The following AMOTL1 variants were observed in gnomAD, a reference collection of about 807,000 sequenced individuals.
AMOTL1 encodes the protein angiomotin-like protein 1.
AMOTL1 carries 45 observed loss-of-function variants against 102.9 expected under a neutral mutation model. The ratio of observed to expected loss-of-function variants is 0.44; its 90% CI spans 0.34 to 0.56. The LOEUF is 0.56. Ranked by LOEUF, AMOTL1 falls within the 20% of genes least tolerant of loss-of-function variation. The probability of loss-of-function intolerance (pLI) is 0.01; values close to 1 mark genes in which losing one functional copy is unlikely to be tolerated. For missense variants in AMOTL1, 1,114 were observed against 1,225.6 expected, an observed-to-expected ratio of 0.91 and a Z score of 1.36; for synonymous variants, 481 against 484.7, an observed-to-expected ratio of 0.99 and a Z score of 0.10.
intron 7 of AMOTL1, among the ~76,000 whole-genome samples, chr11:94,850,703 G>T (rs906143994): frequency 3.9e-5 from 6 of 152,340 alleles, no homozygotes; most frequent in Admixed American, 3.9e-4. Context: ...AAGAAAAGGA[G>T]CAGAGGCCTA....
At position 94,870,804 on chromosome 11, in the gene AMOTL1, C is replaced by A; in HGVS notation, c.*9C>A. 1 of 1,579,758 alleles carries A rather than the reference C, an allele frequency of 6.3e-7. No individual in the cohort carries two copies. The highest frequency in any genetic ancestry group is 8.6e-7 in the Non-Finnish European group (1 of 1,159,868). Reference sequence around the variant, plus strand: ...TGGAAGTCCTCATCTAACTGCCATCCCTGTGGAATTTCAGTACAGAACACT... The same window carrying A: ...TGGAAGTCCTCATCTAACTGCCATCACTGTGGAATTTCAGTACAGAACACT... On this transcript the variant is annotated 3_prime_UTR_variant, in exon 13 of 13. Coordinates refer to ENST00000433060, the MANE Select transcript of AMOTL1 (RefSeq NM_130847.3).
intron 2 of AMOTL1, chr11:94,796,893 A>T: frequency 1.8e-6 from 1 of 545,108 alleles, no homozygotes. Flanking sequence ...TAGATGTATT[A>T]ATATACATAT....
At chr11:94,805,560 C>T (rs1245233376) in intron 3 of AMOTL1, among the ~76,000 whole-genome samples, 1 of 152,164 alleles carries the variant, frequency 6.6e-6, no homozygotes, top group Non-Finnish European at 1.5e-5. Context: ...AGAATGACTC[C>T]TGTCAATGAA....
intron 3 of AMOTL1, among the ~76,000 whole-genome samples, chr11:94,820,815 C>T (rs1951851329): frequency 6.6e-6 from 1 of 152,162 alleles, no homozygotes; most frequent in South Asian, 2.1e-4. Context: ...CCTAGATCCC[C>T]TGCATGCACA....
chr11:94,800,376 T>TA (rs1951455533), intron 3 of AMOTL1, 65 bp downstream of exon 3: 2 of 1,474,554 alleles, frequency 1.4e-6, no homozygotes, highest in Admixed American at 4.5e-5. Context: ...TATTAGCATT[T>TA]ATTATTTTCA....
intron 3 of AMOTL1, among the ~76,000 whole-genome samples, chr11:94,804,711 T>C (rs1421418204): frequency 6.6e-6 from 1 of 151,576 alleles, no homozygotes; most frequent in Non-Finnish European, 1.5e-5. Flanking sequence ...TTGTGTTTCT[T>C]GTTCCTAAGA....
chr11:94,829,758 T>C (rs1412248781), intron 4 of AMOTL1, among the ~76,000 whole-genome samples: 4 of 152,198 alleles, frequency 2.6e-5, no homozygotes, highest in Admixed American at 2.6e-4. Context: ...GAGGTTTAAG[T>C]TATGATTAGA....
At chr11:94,857,761 A>G (rs1227273362) in intron 8 of AMOTL1, among the ~76,000 whole-genome samples, 1 of 152,206 alleles carries the variant, frequency 6.6e-6, no homozygotes, top group Non-Finnish European at 1.5e-5. Flanking sequence ...TAATGAGGAC[A>G]TTCCTCCCAT....
intron 2 of AMOTL1, among the ~76,000 whole-genome samples, chr11:94,730,338 T>G (rs977302613): frequency 6.6e-6 from 1 of 152,140 alleles, no homozygotes; most frequent in Non-Finnish European, 1.5e-5. Flanking sequence ...TTGCAAAGGC[T>G]GCTATTATCA....
In AMOTL1 at chr11:94,799,612, C is replaced by T. The variant is rs754996435; in HGVS notation, c.422C>T (p.Thr141Met). The T allele has an allele frequency of 1.4e-5, 22 of 1,613,926 alleles. No individual in the cohort carries two copies. The highest frequency in any genetic ancestry group is 3.3e-5 in the Admixed American group (2 of 60,006). Residue 141 changes from threonine (T) to methionine (M), a missense_variant, in exon 3 of 13, where the codon ACG becomes ATG. By Grantham distance (81) the Thr-to-Met change is moderately conservative. Coordinates refer to ENST00000433060, the MANE Select transcript of AMOTL1 (RefSeq NM_130847.3). The surrounding 1 kb of genome is among the most constrained non-coding windows in gnomAD (Gnocchi z 4.5). ...PAHPTNNFSS[T>M]ENLTQEDPQM... ...CATCCTACAAACAACTTTTCTTCCA[C>T]GGAAAACCTCACTCAAGAAGACCCA...
intron 1 of AMOTL1, among the ~76,000 whole-genome samples, chr11:94,794,500 C>G (rs1951332317): frequency 6.6e-6 from 1 of 152,230 alleles, no homozygotes; most frequent in Non-Finnish European, 1.5e-5. Context: ...ACATTAGACT[C>G]CAGAAGTCTT....
intron 3 of AMOTL1, among the ~76,000 whole-genome samples, chr11:94,821,156 T>C (rs2135628260): frequency 6.6e-6 from 1 of 152,354 alleles, no homozygotes; most frequent in South Asian, 2.1e-4. Flanking sequence ...ACTCCTTCTC[T>C]GCTCTCTCAG....
intron 1 of AMOTL1, among the ~76,000 whole-genome samples, chr11:94,710,187 A>T (rs1950001167): frequency 6.6e-6 from 1 of 152,176 alleles, no homozygotes; most frequent in Non-Finnish European, 1.5e-5. Context: ...GGAAGGAGGT[A>T]GAGCAGAGAC....
chr11:94,864,986 C>G, intron 10 of AMOTL1, 126 bp downstream of exon 10: 3 of 1,323,708 alleles, frequency 2.3e-6, no homozygotes, highest in Non-Finnish European at 3.0e-6. Context: ...ACTCTCCTCC[C>G]CCATGCTGTG....
intron 9 of AMOTL1, among the ~76,000 whole-genome samples, chr11:94,860,581 G>C (rs554769558): frequency 6.6e-6 from 1 of 152,170 alleles, no homozygotes; most frequent in Non-Finnish European, 1.5e-5. Context: ...GCACACACGT[G>C]GGGTGGCTGT....
rs11603309 is a variant in AMOTL1, at chr11:94,849,756, G to C, written c.1649-358G>C. Among the ~76,000 whole-genome samples, 654 of 152,220 alleles carry C rather than the reference G, an allele frequency of 4.3e-3. 3 individuals carry two copies. The highest frequency in any genetic ancestry group is 5.6e-3 in the Non-Finnish European group (383 of 68,016). On this transcript the variant is annotated intron_variant, in intron 6 of 12. Coordinates refer to ENST00000433060, the MANE Select transcript of AMOTL1 (RefSeq NM_130847.3). The stretch of plus-strand genomic sequence containing the variant: ...TAATATTACCCACCCTTTCATCACA[G>C]ATTTGGAAAATGGAAGCAGGGAATG...
At position 94,800,035 on chromosome 11, in the gene AMOTL1, C is replaced by T. The variant is rs373426236; in HGVS notation, c.845C>T (p.Ser282Leu). The T allele has an allele frequency of 6.6e-5, 107 of 1,613,904 alleles. No homozygotes were observed. The highest frequency in any genetic ancestry group is 1.8e-4 in the Admixed American group (11 of 59,996). The change falls in exon 3 of 13, where the codon TCG (serine) becomes TTG (leucine). Residue 282 changes from serine (S) to leucine (L), a missense_variant. Transcript: ENST00000433060. ...RNGAKQHLPG[S>L]GNGKGFKVGG... Reference sequence around the variant, plus strand: ...GGGGCCAAGCAACACCTTCCCGGCTCGGGGAATGGAAAGGGCTTCAAAGTA... The same window carrying T: ...GGGGCCAAGCAACACCTTCCCGGCTTGGGGAATGGAAAGGGCTTCAAAGTA...
At chr11:94,850,338 AC>A in intron 7 of AMOTL1, 79 bp downstream of exon 7, 1 of 1,458,732 alleles carries the variant, frequency 6.9e-7, no homozygotes, top group Non-Finnish European at 9.1e-7. Context: ...TTCCTAACCC[AC>A]CTACTTTAAC....
At position 94,858,321 on chromosome 11, in the gene AMOTL1, C is replaced by T. The variant is rs181414033; in HGVS notation, c.1945-1204C>T. Among the ~76,000 whole-genome samples the T allele has an allele frequency of 1.7e-4, 26 of 152,262 alleles. No individual in the cohort carries two copies. The East Asian group carries it at 4.3e-3, about 25-fold the overall frequency. The stretch of plus-strand genomic sequence containing the variant: ...CTGTTCCTACTTATAATGTTGGTCA[C>T]TGGCAAGATAACACTTCCTAGAATA... On this transcript the variant is annotated intron_variant, in intron 8 of 12. Coordinates refer to ENST00000433060, the MANE Select transcript of AMOTL1 (RefSeq NM_130847.3).
Sources: gnomAD v4.1 joint callset for allele counts (sites outside exome capture counted in the v4.1 genomes callset) on GRCh38, gnomAD v4.1.1 for gene constraint, Gnocchi (gnomAD v3.1) non-coding constraint, MANE v1.5 for transcripts, NCBI Gene and HGNC (gene_info 2026-07-23, HGNC 2026-07-21) for gene names.